PRR12: variants seen among roughly 807,000 people sequenced by gnomAD.
The protein encoded by PRR12 is proline rich 12, also known as proline-rich protein 12.
Under a neutral mutation model 138.0 loss-of-function variants are expected in PRR12, and 12 were observed. The ratio of observed to expected loss-of-function variants is 0.09; its 90% confidence interval spans 0.06 to 0.14. PRR12 has a LOEUF of 0.14. PRR12 is among the 10% of genes least tolerant of loss of function. PRR12 has a pLI of 1.00. For missense variants in PRR12, 2,692 were observed against 2,861.3 expected (o/e 0.94, Z 1.35); for synonymous variants, 1,567 against 1,291.7 (o/e 1.21, Z -4.57).
chr19:49,594,423 C>G lies in PRR12; in HGVS notation c.200-31C>G, dbSNP rs1452885020. ...TTGACTGTATCCTACCCACCCCCAC[C>G]TGGCTGACTATAACCCCTGTCCCCG... On this transcript the variant is annotated intron_variant, in intron 2 of 13. Coordinates refer to ENST00000418929, the MANE Select transcript of PRR12 (RefSeq NM_020719.3). The surrounding 1 kb of genome is among the most constrained non-coding windows in gnomAD (Gnocchi z 5.6). The G allele has an allele frequency of 2.6e-6, 4 of 1,526,538 alleles. No homozygotes were observed. The highest frequency in any genetic ancestry group is 3.5e-6 in the Non-Finnish European group (4 of 1,136,888). 94.6% of individuals were successfully genotyped at this position (1,526,538 alleles called of 1,614,324 possible).
chr19:49,601,790 G>A lies in PRR12; in HGVS notation c.4645G>A (p.Ala1549Thr), dbSNP rs866703694. 1.2e-6 allele frequency: 2 copies of A among 1,609,380 alleles called. No homozygotes were observed. Among genetic ancestry groups the A allele is most frequent in the Non-Finnish European group, 1.7e-6 (2 of 1,178,908 alleles). ...GCCGGACACCCGGCCCCTGCATCTG[G>A]CCAAAAAGCAGGAGACGGCGGCAGT... ...ELPDTRPLHL[A>T]KKQETAAVCG... Residue 1549 changes from alanine to threonine, a missense_variant, in exon 6 of 14, where the codon GCC (alanine) becomes ACC (threonine). Around this residue, in one of 11 missense-constraint regions of PRR12, gnomAD observed 92 missense variants for 174.1 expected, o/e 0.53. Coordinates refer to ENST00000418929, the MANE Select transcript of PRR12 (RefSeq NM_020719.3).
chr19:49,600,011 T>A (rs2080801282), intron 5 of PRR12, 73 bp downstream of exon 5: 1 of 1,403,842 alleles, frequency 7.1e-7, no homozygotes, highest in East Asian at 2.5e-5. Flanking sequence ...GTTGTGCAGG[T>A]TACGCACTGT....
At chr19:49,598,870 C>G (rs530856759) in intron 4 of PRR12, among the ~76,000 whole-genome samples, 66 of 152,210 alleles carry the variant, frequency 4.3e-4, no homozygotes, top group African/African-American at 1.5e-3. Flanking sequence ...TTGGAGCTTA[C>G]GCTGGTTTGA....
chr19:49,591,761 T>C lies in PRR12; in HGVS notation c.86+21T>C, dbSNP rs1040858831. 16 of 1,412,222 alleles carry C rather than the reference T, an allele frequency of 1.1e-5. No homozygotes were observed. The African/African-American group carries it at 1.7e-4, about 15-fold the overall frequency. 87.5% of individuals were successfully genotyped at this position (1,412,222 alleles called of 1,614,324 possible). On this transcript the variant is annotated intron_variant, in intron 1 of 13. Coordinates refer to ENST00000418929, the MANE Select transcript of PRR12 (RefSeq NM_020719.3). Reference sequence around the variant, plus strand: ...GCTAGGTAAGGAGCTGAGGGTGGCCTAGAGAAGGGGGCCAAGGGGTGGGAG... The same window carrying C: ...GCTAGGTAAGGAGCTGAGGGTGGCCCAGAGAAGGGGGCCAAGGGGTGGGAG...
rs1049481774 is a variant in PRR12, at chr19:49,598,812, G to A, written c.3679-460G>A. On this transcript the variant is annotated intron_variant, in intron 4 of 13. Transcript: ENST00000418929. Reference sequence around the variant, plus strand: ...GGCCTGGGCCACAGAGTGAGACCCTGTCTCAAGAGATAAAGGAAATTCTGG... The same window carrying A: ...GGCCTGGGCCACAGAGTGAGACCCTATCTCAAGAGATAAAGGAAATTCTGG... Among the ~76,000 whole-genome samples the A allele has an allele frequency of 2.0e-5, 3 of 152,278 alleles. No individual in the cohort carries two copies. In the East Asian group the frequency reaches 5.8e-4, roughly 29 times the overall value.
chr19:49,615,286 G>A (rs1375197867), intron 8 of PRR12, among the ~76,000 whole-genome samples: 4 of 151,100 alleles, frequency 2.6e-5, no homozygotes, highest in Non-Finnish European at 5.9e-5. Flanking sequence ...TGAGGGAGAC[G>A]GAGACTCAGA....
chr19:49,593,234 G>T, intron 1 of PRR12, 93 bp from the exon 2 acceptor site: 1 of 591,932 alleles, frequency 1.7e-6, no homozygotes, highest in Non-Finnish European at 3.0e-6. Flanking sequence ...CGGTCAGCTG[G>T]AAGGGTCCCC....
Position 49,594,810 on chromosome 19 carries a change from A to G in PRR12, c.475A>G (p.Ser159Gly), listed in dbSNP as rs970721526. ...TTACCAACACCCGGCTTCCTTCGGC[A>G]GCCGCCCCTTCCCAGTGCCCTCGTC... is the stretch of plus-strand genomic sequence containing the variant. The part of the protein sequence containing the change: ...SAYQHPASFG[S>G]RPFPVPSSLS... The change falls in exon 4 of 14, where the codon AGC (serine) becomes GGC (glycine). Residue 159 changes from serine to glycine, a missense_variant. Around this residue, in one of 11 missense-constraint regions of PRR12, gnomAD observed 211 missense variants for 266.3 expected, o/e 0.79. Transcript: ENST00000418929. The surrounding 1 kb of genome is among the most constrained non-coding windows in gnomAD (Gnocchi z 5.6). 4.3e-6 allele frequency: 7 copies of G among 1,612,428 alleles called. No individual in the cohort carries two copies. The highest frequency in any genetic ancestry group is 1.6e-4 in the Middle Eastern group (1 of 6,084).
Position 49,596,020 on chromosome 19 carries a change from C to G in PRR12, c.1685C>G (p.Ser562Cys). ...SLGGGGEASP[S>C]HIIRPLQSPP... ...GGAGGCGGCGGTGAGGCCAGCCCAT[C>G]TCACATCATTCGTCCGCTCCAGTCA... The change falls in exon 4 of 14, where the codon TCT becomes TGT. Residue 562 changes from serine (S) to cysteine (C), a missense_variant. By Grantham distance (112) the Ser-to-Cys change is moderately radical. Transcript: ENST00000418929. The surrounding 1 kb of genome is among the most constrained non-coding windows in gnomAD (Gnocchi z 5.6). The G allele has an allele frequency of 6.2e-7, 1 of 1,601,452 alleles. No homozygotes were observed. The highest frequency in any genetic ancestry group is 1.1e-5 in the South Asian group (1 of 91,086).
Position 49,596,432 on chromosome 19 carries a change from C to T in PRR12, c.2097C>T (p.His699=). 1 of 1,610,748 alleles carries T rather than the reference C, an allele frequency of 6.2e-7. No homozygotes were observed. The highest frequency in any genetic ancestry group is 8.5e-7 in the Non-Finnish European group (1 of 1,179,548). Residue 699 remains histidine, a synonymous_variant, in exon 4 of 14, where the codon CAC becomes CAT. Transcript: ENST00000418929. The surrounding 1 kb of genome is among the most constrained non-coding windows in gnomAD (Gnocchi z 5.6). The part of the protein sequence containing the change: ...ELAKEDPQRY[H]LQSVIRTSAS... Reference sequence around the variant, plus strand: ...CCAAGGAAGACCCCCAGAGGTACCACCTGCAGAGTGTCATCCGCACCAGTG... The same window carrying T: ...CCAAGGAAGACCCCCAGAGGTACCATCTGCAGAGTGTCATCCGCACCAGTG...
chr19:49,621,897 A>G (rs1488596958), intron 11 of PRR12: 7 of 487,066 alleles, frequency 1.4e-5, no homozygotes, highest in East Asian at 1.4e-4. Flanking sequence ...GCAGCCAAAC[A>G]TAGACTAGGC....
intron 10 of PRR12, 102 bp downstream of exon 10, chr19:49,620,579 G>T (rs2080916975): frequency 2.0e-6 from 3 of 1,475,048 alleles, no homozygotes; most frequent in Non-Finnish European, 9.2e-7. Flanking sequence ...TTTGGGGTCG[G>T]GACTCCTGAG....
chr19:49,595,701 G>A lies in PRR12; in HGVS notation c.1366G>A (p.Ala456Thr). 5 of 1,592,394 alleles carry A rather than the reference G, an allele frequency of 3.1e-6. No homozygotes were observed. The highest frequency in any genetic ancestry group is 1.7e-4 in the Middle Eastern group (1 of 5,922). Residue 456 changes from alanine to threonine, a missense_variant, in exon 4 of 14, where the codon GCC (alanine) becomes ACC (threonine). Ala to Thr is a moderately conservative substitution (Grantham distance 58). Coordinates refer to ENST00000418929, the MANE Select transcript of PRR12 (RefSeq NM_020719.3). ...GQPQGLLGPQAYGQGFGGGQA... is the reference protein window; with the variant it reads ...GQPQGLLGPQTYGQGFGGGQA... ...GCCTCAAGGGCTTCTGGGACCCCAG[G>A]CCTACGGGCAAGGGTTTGGAGGGGG... is the stretch of plus-strand genomic sequence containing the variant.
intron 6 of PRR12, among the ~76,000 whole-genome samples, chr19:49,607,695 G>A (rs578231723): frequency 1.1e-4 from 17 of 148,564 alleles, no homozygotes; most frequent in African/African-American, 2.7e-4. Context: ...GTGACAGAGC[G>A]AGACCCTGTC....
At position 49,596,634 on chromosome 19, in the gene PRR12, C is replaced by T; in HGVS notation, c.2299C>T (p.Pro767Ser). 1 of 1,594,492 alleles carries T rather than the reference C, an allele frequency of 6.3e-7. No individual in the cohort carries two copies. The highest frequency in any genetic ancestry group is 8.5e-7 in the Non-Finnish European group (1 of 1,171,426). ...GAFLQKSPPP[P>S]PPTAQSTQPT... The stretch of plus-strand genomic sequence containing the variant: ...CTTCTTGCAAAAGAGCCCTCCGCCC[C>T]CACCTCCCACGGCCCAGTCTACCCA... Residue 767 changes from proline (P) to serine (S), a missense_variant, in exon 4 of 14, where the codon CCA (proline) becomes TCA (serine). Around this residue, in one of 11 missense-constraint regions of PRR12, gnomAD observed 840 missense variants for 689.8 expected, o/e 1.22. Transcript: ENST00000418929. The surrounding 1 kb of genome is among the most constrained non-coding windows in gnomAD (Gnocchi z 5.6).
In PRR12 at chr19:49,597,841, G is replaced by A. The variant is rs749186104; in HGVS notation, c.3506G>A (p.Arg1169Gln). 6.7e-7 allele frequency: 1 copy of A among 1,485,208 alleles called. No individual in the cohort carries two copies. Among genetic ancestry groups the A allele is most frequent in the South Asian group, 1.4e-5 (1 of 73,286 alleles). The allele number at this position is 1,485,208 out of a possible 1,614,324, so 92.0% of individuals were successfully genotyped here. Residue 1169 changes from arginine (R) to glutamine (Q), a missense_variant, in exon 4 of 14, where the codon CGG becomes CAG. Physicochemically the swap from Arg to Gln is conservative, Grantham distance 43. This residue lies in a region of PRR12 where 326 missense variants were observed against 344.2 expected (regional missense o/e 0.95). Coordinates refer to ENST00000418929, the MANE Select transcript of PRR12 (RefSeq NM_020719.3). This position sits in a 1 kb window ranked among gnomAD's most constrained non-coding sequence, Gnocchi z 6.3. ...AAGGCGAAACGTGATGGGCCACCCC[G>A]GCCACGGGGGAGGCCCCGGATCCGC... ...PTKAKRDGPP[R>Q]PRGRPRIRPL...
Position 49,597,276 on chromosome 19 carries a change from C to A in PRR12, c.2941C>A (p.Pro981Thr). Reference protein sequence around the residue: ...EGDPKAGAGPPPGPPAYDPYG... With the variant: ...EGDPKAGAGPTPGPPAYDPYG... ...GGACCCCAAGGCTGGCGCTGGGCCA[C>A]CCCCCGGCCCCCCTGCTTATGATCC... The change falls in exon 4 of 14, where the codon CCC becomes ACC. Residue 981 changes from proline to threonine, a missense_variant. Physicochemically the swap from Pro to Thr is conservative, Grantham distance 38. This residue lies in a region of PRR12 where 840 missense variants were observed against 689.8 expected (regional missense o/e 1.22). Transcript: ENST00000418929. This position sits in a 1 kb window ranked among gnomAD's most constrained non-coding sequence, Gnocchi z 6.3. The A allele has an allele frequency of 1.3e-6, 2 of 1,562,694 alleles. No homozygotes were observed. The highest frequency in any genetic ancestry group is 8.7e-7 in the Non-Finnish European group (1 of 1,155,756).
At chr19:49,601,422 T>G in intron 5 of PRR12, 69 bp from the exon 6 acceptor site, 1 of 886,466 alleles carries the variant, frequency 1.1e-6, no homozygotes, top group South Asian at 1.7e-5. Context: ...AAGCAGTGTT[T>G]AAAGGACAAG....
At chr19:49,618,031 G>A (rs1474489765) in intron 9 of PRR12, among the ~76,000 whole-genome samples, 1 of 152,186 alleles carries the variant, frequency 6.6e-6, no homozygotes, top group Non-Finnish European at 1.5e-5. Context: ...CTGGGAGGCA[G>A]AGGTTGCAGT....
Sources: gnomAD v4.1 joint callset for allele counts (sites outside exome capture counted in the v4.1 genomes callset) on GRCh38, gnomAD v4.1.1 for gene constraint, gnomAD v4.1.1 regional missense constraint, Gnocchi (gnomAD v3.1) non-coding constraint, MANE v1.5 for transcripts, NCBI Gene and HGNC (gene_info 2026-07-23, HGNC 2026-07-21) for gene names.